DPP10: variants seen among roughly 807,000 people sequenced by gnomAD.
DPP10 encodes the protein inactive dipeptidyl peptidase 10.
In DPP10, 33 loss-of-function variants were observed where a neutral mutation model predicts 120.9. The ratio of observed to expected loss-of-function variants is 0.27; its 90% confidence interval spans 0.21 to 0.37. The LOEUF (loss-of-function observed/expected upper bound fraction) is 0.37. DPP10 is among the 10% of genes least tolerant of loss of function. DPP10 has a pLI of 1.00. For synonymous variants in DPP10, 337 were observed against 326.1 expected (o/e 1.03, Z -0.36); for missense variants, 816 against 942.8 (o/e 0.87, Z 1.76).
intron 1 of DPP10, among the ~76,000 whole-genome samples, chr2:114,732,290 T>C (rs968719833): frequency 3.3e-5 from 5 of 152,210 alleles, no homozygotes; most frequent in Admixed American, 6.5e-5. Flanking sequence ...AATTTAGTCA[T>C]ATGGAGCATG....
At chr2:114,841,906 G>A (rs1688189236) in intron 1 of DPP10, among the ~76,000 whole-genome samples, 1 of 152,028 alleles carries the variant, frequency 6.6e-6, no homozygotes, top group African/African-American at 2.4e-5. Context: ...AAAGGACCAT[G>A]GCTTCATTCC....
At chr2:115,513,444 T>C (rs1424127105) in intron 4 of DPP10, among the ~76,000 whole-genome samples, 1 of 151,964 alleles carries the variant, frequency 6.6e-6, no homozygotes, top group African/African-American at 2.4e-5. Flanking sequence ...TCATATGTCA[T>C]TTTTGTTTCT....
At chr2:115,471,894 C>T (rs1435197117) in intron 3 of DPP10, among the ~76,000 whole-genome samples, 1 of 152,012 alleles carries the variant, frequency 6.6e-6, no homozygotes, top group Non-Finnish European at 1.5e-5. Context: ...GCTAGGACTG[C>T]AGGTGTGAGC....
At chr2:114,477,682 G>A in intron 1 of DPP10, among the ~76,000 whole-genome samples, 1 of 134,822 alleles carries the variant, frequency 7.4e-6, no homozygotes, top group Non-Finnish European at 1.7e-5. Flanking sequence ...ATACTCGGGA[G>A]GCTGAGGCAG....
intron 1 of DPP10, among the ~76,000 whole-genome samples, chr2:115,075,449 G>C (rs1252263802): frequency 6.6e-6 from 1 of 152,116 alleles, no homozygotes. Flanking sequence ...GTTGAAGGTT[G>C]TCTGGCCATG....
chr2:114,945,681 C>A (rs1454167375), intron 1 of DPP10, among the ~76,000 whole-genome samples: 1 of 151,746 alleles, frequency 6.6e-6, no homozygotes, highest in Admixed American at 6.6e-5. Context: ...CTGGGCATGG[C>A]GGCGGACACC....
intron 1 of DPP10, among the ~76,000 whole-genome samples, chr2:114,830,046 G>C (rs970972595): frequency 6.6e-6 from 1 of 151,926 alleles, no homozygotes; most frequent in Non-Finnish European, 1.5e-5. Context: ...TCCTCTCCTG[G>C]GCTGATGGCC....
intron 1 of DPP10, among the ~76,000 whole-genome samples, chr2:114,714,935 G>A (rs1209811447): frequency 6.6e-6 from 1 of 152,096 alleles, no homozygotes; most frequent in South Asian, 2.1e-4. Flanking sequence ...CATTGATCCT[G>A]TTTCATAATG....
chr2:114,855,911 T>A (rs377465108), intron 1 of DPP10, among the ~76,000 whole-genome samples: 1 of 151,584 alleles, frequency 6.6e-6, no homozygotes, highest in East Asian at 1.9e-4. Context: ...GCAAGGAGCA[T>A]TTGACCAAAG....
intron 3 of DPP10, among the ~76,000 whole-genome samples, chr2:115,395,664 G>A (rs553882383): frequency 6.6e-6 from 1 of 152,052 alleles, no homozygotes; most frequent in Non-Finnish European, 1.5e-5. Flanking sequence ...TTACAACTCA[G>A]CTCACAATAT....
chr2:115,657,989 T>C (rs7577914), intron 5 of DPP10, among the ~76,000 whole-genome samples: 108,560 of 151,758 alleles, frequency 0.72, 40,267 homozygotes, highest in East Asian at 0.92. Context: ...ATGTCATATT[T>C]AAATTGTTGT....
chr2:115,614,281 G>T (rs1218918902), intron 5 of DPP10, among the ~76,000 whole-genome samples: 1 of 152,182 alleles, frequency 6.6e-6, no homozygotes, highest in Non-Finnish European at 1.5e-5. Flanking sequence ...GGCAGAGTTA[G>T]CTCCGTACAT....
chr2:114,633,255 T>C (rs1425640220), intron 1 of DPP10, among the ~76,000 whole-genome samples: 5 of 130,426 alleles, frequency 3.8e-5, no homozygotes, highest in Admixed American at 7.4e-5. Flanking sequence ...TTTCTTTTTT[T>C]TTTTTTTTTT....
chr2:115,127,420 G>A (rs2050133998), intron 1 of DPP10, among the ~76,000 whole-genome samples: 1 of 152,152 alleles, frequency 6.6e-6, no homozygotes, highest in Admixed American at 6.5e-5. Flanking sequence ...ACAGAGGGAG[G>A]TGGCTTTCCA....
chr2:115,154,956 A>T (rs1247588830), intron 1 of DPP10, among the ~76,000 whole-genome samples: 1 of 149,566 alleles, frequency 6.7e-6, no homozygotes, highest in Non-Finnish European at 1.5e-5. Context: ...CAGTGGCGCC[A>T]TCTTGGCTCA....
chr2:114,896,682 C>T (rs910891836), intron 1 of DPP10, among the ~76,000 whole-genome samples: 1 of 152,194 alleles, frequency 6.6e-6, no homozygotes, highest in Admixed American at 6.5e-5. Flanking sequence ...CATCTGCAAA[C>T]AGGGACAATT....
intron 19 of DPP10, among the ~76,000 whole-genome samples, chr2:115,802,423 T>C (rs1685372424): frequency 6.6e-6 from 1 of 152,236 alleles, no homozygotes; most frequent in Admixed American, 6.5e-5. Flanking sequence ...TTTGTGTCTC[T>C]ATTTCTTTCA....
intron 21 of DPP10, among the ~76,000 whole-genome samples, chr2:115,830,429 T>A (rs1193396571): frequency 1.3e-5 from 2 of 152,074 alleles, no homozygotes; most frequent in South Asian, 4.1e-4. Flanking sequence ...CATTTTTTTT[T>A]AGAACAGATA....
chr2:115,694,194 C>A, intron 7 of DPP10, among the ~76,000 whole-genome samples: 1 of 152,086 alleles, frequency 6.6e-6, no homozygotes, highest in East Asian at 1.9e-4. Context: ...ATGAGTTTGG[C>A]ATGCTTTGTC....
Sources: allele counts gnomAD v4.1 joint callset (sites outside exome capture counted in the v4.1 genomes callset), GRCh38; gene constraint gnomAD v4.1.1; transcripts MANE v1.5; gene names NCBI Gene and HGNC (gene_info 2026-07-23, HGNC 2026-07-21).